The following RBFOX1 variants were observed in gnomAD, a reference collection of about 807,000 sequenced individuals.
The protein encoded by RBFOX1 is RNA binding protein fox-1 homolog 1.
A neutral mutation model predicts 57.7 loss-of-function variants in RBFOX1; 8 were observed. The observed-to-expected ratio is 0.14, with a 90% CI of 0.08 to 0.25. RBFOX1 has a LOEUF of 0.25. Among genes scored for constraint, RBFOX1 ranks in the 10% least tolerant of loss-of-function variants. The pLI, the probability that RBFOX1 is intolerant of heterozygous loss-of-function variation, is 1.00. For synonymous variants in RBFOX1, 326 were observed against 222.4 expected (o/e 1.47, Z -4.15); for missense variants, 611 against 548.5 (o/e 1.11, Z -1.14).
chr16:5,454,895 TTTCTTTC>T lies in RBFOX1; in HGVS notation c.220-12318_220-12312del, dbSNP rs1405862033. 3.4e-3 allele frequency among the ~76,000 whole-genome samples: 398 copies of T among 116,620 alleles called. 15 individuals carry two copies. The highest frequency in any genetic ancestry group is 6.5e-3 in the African/African-American group (212 of 32,672). The allele number at this position is 116,620 out of a possible 152,430, so 76.5% of individuals were successfully genotyped here. A position where few individuals can be genotyped will look rare whatever the true frequency, so the allele number is the denominator to read the frequency against. On this transcript the variant is annotated intron_variant, in intron 1 of 2. Transcript: ENST00000585867. The stretch of plus-strand genomic sequence containing the variant: ...CTTTCTTTCTTTCTTTCTTTCTTTC[TTTCTTTC>T]TTTCTTTCTTTCCTTTGTTTCTTTC...
intron 2 of RBFOX1, among the ~76,000 whole-genome samples, chr16:6,492,715 A>C (rs1362019400): frequency 6.6e-6 from 1 of 152,220 alleles, no homozygotes; most frequent in Non-Finnish European, 1.5e-5. Context: ...AGGAAACTGG[A>C]GCGGAGGAAA....
intron 4 of RBFOX1, among the ~76,000 whole-genome samples, chr16:5,916,828 A>G (rs1435718704): frequency 2.6e-5 from 4 of 152,054 alleles, no homozygotes; most frequent in Non-Finnish European, 4.4e-5. Context: ...AGAGTCGGAA[A>G]CCACATCCTC....
intron 5 of RBFOX1, among the ~76,000 whole-genome samples, chr16:7,532,765 A>G (rs1046906719): frequency 5.9e-5 from 9 of 152,176 alleles, no homozygotes; most frequent in Admixed American, 3.3e-4. Flanking sequence ...CATATTGCCT[A>G]TGGCTGCTTT....
intron 5 of RBFOX1, among the ~76,000 whole-genome samples, chr16:7,526,942 C>T (rs963524645): frequency 1.3e-5 from 2 of 152,212 alleles, no homozygotes; most frequent in African/African-American, 4.8e-5. Flanking sequence ...CATGCCCAGC[C>T]ACACTGGCCT....
At chr16:5,466,475 G>A (rs752450650) in intron 1 of RBFOX1, among the ~76,000 whole-genome samples, 24 of 152,096 alleles carry the variant, frequency 1.6e-4, no homozygotes, top group Non-Finnish European at 2.9e-4. Context: ...AACTCCTGGG[G>A]CCCTGAAATC....
chr16:6,141,105 C>G (rs2096712556), intron 1 of RBFOX1, among the ~76,000 whole-genome samples: 1 of 152,198 alleles, frequency 6.6e-6, no homozygotes, highest in Non-Finnish European at 1.5e-5. Flanking sequence ...CTCTCTCAGG[C>G]ACAGGCTAAA....
intron 3 of RBFOX1, among the ~76,000 whole-genome samples, chr16:5,765,541 C>G (rs2053746123): frequency 6.6e-6 from 1 of 152,192 alleles, no homozygotes; most frequent in South Asian, 2.1e-4. Flanking sequence ...GGCTGAATAC[C>G]TAGTGCCAGA....
intron 4 of RBFOX1, among the ~76,000 whole-genome samples, chr16:6,002,908 C>G (rs754880840): frequency 6.6e-6 from 1 of 152,172 alleles, no homozygotes; most frequent in Non-Finnish European, 1.5e-5. Flanking sequence ...ATACTTCCAT[C>G]CTGTTCTCTG....
intron 3 of RBFOX1, among the ~76,000 whole-genome samples, chr16:5,614,151 G>A (rs948670632): frequency 2.6e-5 from 4 of 152,100 alleles, no homozygotes; most frequent in Non-Finnish European, 5.9e-5. Flanking sequence ...TGGGAGGTGC[G>A]GATCAGGTGG....
chr16:6,810,750 C>T (rs927264755), intron 3 of RBFOX1, among the ~76,000 whole-genome samples: 1 of 152,026 alleles, frequency 6.6e-6, no homozygotes, highest in African/African-American at 2.4e-5. Context: ...AGCAAGAGAA[C>T]GGAGCAAGAG....
intron 3 of RBFOX1, among the ~76,000 whole-genome samples, chr16:6,942,690 T>G (rs1354882360): frequency 2.6e-5 from 4 of 152,124 alleles, no homozygotes; most frequent in African/African-American, 9.7e-5. Flanking sequence ...GGATGTGAAC[T>G]TGACACTGGG....
rs145472798 is a variant in RBFOX1 at position 6,030,893 on chromosome 16, C to T, written c.-127+10901C>T. 7.1e-4 allele frequency among the ~76,000 whole-genome samples: 108 copies of T among 152,212 alleles called. No homozygotes were observed. In the East Asian group the frequency reaches 0.015, roughly 20 times the overall value. On this transcript the variant is annotated intron_variant, in intron 1 of 15. Coordinates refer to ENST00000550418, the MANE Select transcript of RBFOX1 (RefSeq NM_018723.4). The stretch of plus-strand genomic sequence containing the variant: ...AACATTTTTGAGCCCATGCTCTGGG[C>T]CAGGCACTGTTAGGCACTGGGGATA...
intron 1 of RBFOX1, among the ~76,000 whole-genome samples, chr16:6,146,316 A>AT (rs540125637): frequency 9.9e-5 from 15 of 152,126 alleles, no homozygotes; most frequent in Non-Finnish European, 1.8e-4. Flanking sequence ...GAGTCTTTCC[A>AT]TTTTTAGCTG....
At chr16:7,382,065 G>C (rs1820667703) in intron 4 of RBFOX1, among the ~76,000 whole-genome samples, 1 of 152,208 alleles carries the variant, frequency 6.6e-6, no homozygotes. Context: ...TCAGTTGGAA[G>C]TTGGTTCTGG....
intron 9 of RBFOX1, among the ~76,000 whole-genome samples, chr16:7,605,933 G>C (rs547399709): frequency 1.3e-5 from 2 of 152,002 alleles, no homozygotes; most frequent in South Asian, 4.2e-4. Context: ...CTGACTCCCA[G>C]CTTCAAGCGA....
intron 4 of RBFOX1, among the ~76,000 whole-genome samples, chr16:7,321,131 T>TATACATATACATATACA (rs1568198362): frequency 9.2e-4 from 23 of 25,134 alleles, no homozygotes; most frequent in South Asian, 8.3e-3. Flanking sequence ...ATACATATAC[T>TATACATATACATATACA]TATACTTATA....
intron 4 of RBFOX1, among the ~76,000 whole-genome samples, chr16:7,425,961 T>C (rs1193477954): frequency 6.6e-6 from 1 of 152,236 alleles, no homozygotes; most frequent in Non-Finnish European, 1.5e-5. Context: ...GCTGTATCCA[T>C]GAGCTCAGAT....
intron 14 of RBFOX1, among the ~76,000 whole-genome samples, chr16:7,687,991 T>G (rs1159701444): frequency 1.3e-5 from 2 of 152,042 alleles, no homozygotes; most frequent in Non-Finnish European, 2.9e-5. Flanking sequence ...GTCATTGGTA[T>G]TTTATTTAAA....
chr16:6,619,821 T>G (rs2098200590), intron 2 of RBFOX1, among the ~76,000 whole-genome samples: 1 of 151,978 alleles, frequency 6.6e-6, no homozygotes, highest in South Asian at 2.1e-4. Flanking sequence ...GTAATCCTAG[T>G]ACCCATTAGT....
Sources: allele counts gnomAD v4.1 joint callset (sites outside exome capture counted in the v4.1 genomes callset), GRCh38; gene constraint gnomAD v4.1.1; transcripts MANE v1.5; gene names NCBI Gene and HGNC (gene_info 2026-07-23, HGNC 2026-07-21).